The following SUMF1 variants were observed in gnomAD, a reference collection of about 807,000 sequenced individuals.
The protein encoded by SUMF1 is formylglycine-generating enzyme.
SUMF1 carries 48 observed loss-of-function variants against 47.6 expected under a neutral mutation model. The ratio of observed to expected loss-of-function variants is 1.01; its 90% CI spans 0.80 to 1.28. The LOEUF is 1.28. SUMF1 is among the 50% of genes most tolerant of loss of function. The probability of loss-of-function intolerance (pLI) is 0.00; values close to 1 mark genes in which losing one functional copy is unlikely to be tolerated. For synonymous variants in SUMF1, 230 were observed against 192.1 expected (o/e 1.20, Z -1.63); for missense variants, 571 against 485.4 (o/e 1.18, Z -1.66).
chr3:4,399,391 C>G (rs116229090), intron 7 of SUMF1, among the ~76,000 whole-genome samples: 256 of 152,226 alleles, frequency 1.7e-3, no homozygotes, highest in African/African-American at 5.8e-3. Context: ...CTCTTCCCCC[C>G]CAAACCATTT....
Position 4,264,538 on chromosome 3 carries a change from G to A in SUMF1, c.1014+111792C>T, listed in dbSNP as rs557295517. ...TATACACGACAAACAGCAGGGAAAG[G>A]CACACATTTTATTTTTCCATAGATA... On this transcript the variant is annotated intron_variant and NMD_transcript_variant, in intron 8 of 12. Coordinates refer to the SUMF1 transcript ENST00000448413. Among the ~76,000 whole-genome samples the A allele has an allele frequency of 1.3e-5, 2 of 152,184 alleles. 1 individual carries two copies. The highest frequency in any genetic ancestry group is 1.3e-4 in the Admixed American group (2 of 15,278).
At chr3:4,048,941 G>A (rs921455003) in intron 9 of SUMF1, among the ~76,000 whole-genome samples, 1 of 152,078 alleles carries the variant, frequency 6.6e-6, no homozygotes, top group African/African-American at 2.4e-5. Context: ...TGTACCATTT[G>A]AAACTCTGTA....
intron 8 of SUMF1, among the ~76,000 whole-genome samples, chr3:4,275,565 C>T (rs962191628): frequency 6.6e-6 from 1 of 152,136 alleles, no homozygotes; most frequent in Non-Finnish European, 1.5e-5. Context: ...ACACATGTCA[C>T]TCCTAAACCA....
chr3:4,082,328 G>A (rs1251177453), intron 8 of SUMF1, among the ~76,000 whole-genome samples: 1 of 151,910 alleles, frequency 6.6e-6, no homozygotes. Context: ...AAAATAGCTG[G>A]GCATGGTGAT....
intron 3 of SUMF1, among the ~76,000 whole-genome samples, chr3:4,421,759 A>G (rs1296635587): frequency 5.3e-4 from 80 of 152,292 alleles, no homozygotes; most frequent in Middle Eastern, 3.4e-3. Context: ...TGCTGGGATT[A>G]CAGGTGTAAG....
intron 3 of SUMF1, among the ~76,000 whole-genome samples, chr3:4,433,961 C>T (rs186981744): frequency 4.6e-5 from 7 of 152,194 alleles, no homozygotes; most frequent in East Asian, 1.9e-4. Context: ...AGCAGGGGTT[C>T]GAAGGAAGGA....
At chr3:4,289,128 C>T (rs952790978) in intron 8 of SUMF1, among the ~76,000 whole-genome samples, 1 of 152,172 alleles carries the variant, frequency 6.6e-6, no homozygotes, top group African/African-American at 2.4e-5. Context: ...AACTGAACAA[C>T]ACTGAAAGCA....
intron 8 of SUMF1, among the ~76,000 whole-genome samples, chr3:4,339,572 G>A (rs1225494732): frequency 2.0e-5 from 3 of 151,846 alleles, no homozygotes; most frequent in South Asian, 2.1e-4. Context: ...TTGTAGCTGC[G>A]GACAGGGTCT....
At chr3:4,384,640 C>A (rs182371119) in intron 7 of SUMF1, among the ~76,000 whole-genome samples, 1 of 152,266 alleles carries the variant, frequency 6.6e-6, no homozygotes, top group African/African-American at 2.4e-5. Flanking sequence ...GAGATTCATC[C>A]AGGTTGCTCT....
chr3:4,083,687 A>G (rs959707269), intron 8 of SUMF1, among the ~76,000 whole-genome samples: 2 of 152,168 alleles, frequency 1.3e-5, no homozygotes, highest in African/African-American at 2.4e-5. Flanking sequence ...CCTACAAAAT[A>G]TGTAATGCCT....
intron 8 of SUMF1, among the ~76,000 whole-genome samples, chr3:4,227,201 T>C (rs1224710787): frequency 6.6e-6 from 1 of 152,108 alleles, no homozygotes; most frequent in East Asian, 1.9e-4. Flanking sequence ...TCCTTCCTTT[T>C]CACACACTCT....
At chr3:4,366,709 C>G (rs1487823595) in intron 8 of SUMF1, among the ~76,000 whole-genome samples, 2 of 152,212 alleles carry the variant, frequency 1.3e-5, no homozygotes, top group African/African-American at 4.8e-5. Flanking sequence ...GCCTTCTTCT[C>G]TCAACTCGTC....
intron 3 of SUMF1, among the ~76,000 whole-genome samples, chr3:4,446,212 T>G (rs570742661): frequency 6.6e-6 from 1 of 152,238 alleles, no homozygotes; most frequent in South Asian, 2.1e-4. Flanking sequence ...GCTCCAATAA[T>G]CCCACCTGTC....
At chr3:4,201,183 A>AAC (rs1420184468) in intron 8 of SUMF1, among the ~76,000 whole-genome samples, 1 of 152,016 alleles carries the variant, frequency 6.6e-6, no homozygotes, top group East Asian at 1.9e-4. Flanking sequence ...ATGTACAACA[A>AAC]ACTGCTGTCT....
At chr3:4,196,057 G>A (rs1695422239) in intron 8 of SUMF1, among the ~76,000 whole-genome samples, 1 of 152,072 alleles carries the variant, frequency 6.6e-6, no homozygotes. Context: ...AAATGGTATA[G>A]CATTAGGAAT....
intron 8 of SUMF1, among the ~76,000 whole-genome samples, chr3:4,328,238 T>A (rs1203076791): frequency 6.6e-6 from 1 of 151,696 alleles, no homozygotes; most frequent in Non-Finnish European, 1.5e-5. Flanking sequence ...AATATAAATT[T>A]AAAAAATAAA....
chr3:4,454,653 T>C (rs1703093428), intron 1 of SUMF1, among the ~76,000 whole-genome samples: 1 of 152,174 alleles, frequency 6.6e-6, no homozygotes, highest in African/African-American at 2.4e-5. Context: ...TTATTCATAA[T>C]AGCCAAAAAG....
chr3:4,420,121 G>A lies in SUMF1; in HGVS notation c.545C>T (p.Pro182Leu). 2 of 1,614,064 alleles carry A rather than the reference G, an allele frequency of 1.2e-6. No individual in the cohort carries two copies. Among genetic ancestry groups the A allele is most frequent in the Non-Finnish European group, 1.7e-6 (2 of 1,180,014 alleles). Residue 182 changes from proline (P) to leucine (L), a missense_variant, in exon 4 of 9, where the codon CCT becomes CTT. Pro to Leu is a moderately conservative substitution (Grantham distance 98, BLOSUM62 -3). Coordinates refer to ENST00000272902, the MANE Select transcript of SUMF1 (RefSeq NM_182760.4). Reference protein sequence around the residue: ...QAVAAAPWWLPVKGANWRHPE... With the variant: ...QAVAAAPWWLLVKGANWRHPE... ...GTGTCTCCAGTTAGCGCCTTTCACA[G>A]GTAACCACCAGGGAGCAGCTGCAAC...
chr3:4,279,243 C>T (rs957335654), intron 8 of SUMF1, among the ~76,000 whole-genome samples: 20 of 152,028 alleles, frequency 1.3e-4, no homozygotes, highest in African/African-American at 4.8e-4. Context: ...TAAAATAGTT[C>T]ATTAAAAGTC....
Sources: gnomAD v4.1 joint callset for allele counts (sites outside exome capture counted in the v4.1 genomes callset) on GRCh38, gnomAD v4.1.1 for gene constraint, MANE v1.5 for transcripts, NCBI Gene and HGNC (gene_info 2026-07-23, HGNC 2026-07-21) for gene names.